GBE1: variants seen among roughly 807,000 people sequenced by gnomAD.
GBE1 encodes the protein 1,4-alpha-glucan branching enzyme 1.
Under a neutral mutation model 88.8 loss-of-function variants are expected in GBE1, and 70 were observed. The observed-to-expected ratio is 0.79, with a 90% confidence interval of 0.65 to 0.96. The LOEUF is 0.96. Among genes scored for constraint, GBE1 ranks in the 40% least tolerant of loss-of-function variants. GBE1 has a pLI of 0.00. For synonymous variants in GBE1, 284 were observed against 300.1 expected (o/e 0.95, Z 0.56); for missense variants, 872 against 871.0 (o/e 1.00, Z -0.01).
At chr3:81,727,122 A>G (rs1315313652) in intron 1 of GBE1, among the ~76,000 whole-genome samples, 1 of 152,220 alleles carries the variant, frequency 6.6e-6, no homozygotes, top group East Asian at 1.9e-4. Flanking sequence ...TTCAATGTCC[A>G]GGATACTTGA....
At chr3:81,585,589 T>G (rs538874210) in intron 10 of GBE1, among the ~76,000 whole-genome samples, 4 of 152,160 alleles carry the variant, frequency 2.6e-5, no homozygotes, top group Non-Finnish European at 5.9e-5. Flanking sequence ...ATGTGCAAAG[T>G]ACCATGTACA....
intron 12 of GBE1, among the ~76,000 whole-genome samples, chr3:81,541,822 A>T (rs1014942053): frequency 6.6e-6 from 1 of 152,140 alleles, no homozygotes; most frequent in African/African-American, 2.4e-5. Context: ...GAAGAGTAGC[A>T]TAATTACAAT....
intron 10 of GBE1, among the ~76,000 whole-genome samples, 175 bp downstream of exon 10, chr3:81,585,917 T>C (rs1703797647): frequency 6.6e-6 from 1 of 152,204 alleles, no homozygotes; most frequent in Non-Finnish European, 1.5e-5. Flanking sequence ...AATCAGAACT[T>C]TTAATATTTT....
chr3:81,532,726 T>A (rs1216319299), intron 14 of GBE1, among the ~76,000 whole-genome samples: 3 of 152,112 alleles, frequency 2.0e-5, no homozygotes, highest in Non-Finnish European at 2.9e-5. Flanking sequence ...AATCTTCTAT[T>A]ATGTGATCTC....
intron 3 of GBE1, among the ~76,000 whole-genome samples, chr3:81,663,826 C>T (rs1301956050): frequency 6.6e-6 from 1 of 152,126 alleles, no homozygotes; most frequent in African/African-American, 2.4e-5. Flanking sequence ...AGCAGCGGGG[C>T]ACTGAAGTAG....
intron 14 of GBE1, among the ~76,000 whole-genome samples, chr3:81,502,908 A>G (rs1270072330): frequency 6.6e-6 from 1 of 152,194 alleles, no homozygotes; most frequent in East Asian, 1.9e-4. Flanking sequence ...ATGGTTTCCA[A>G]TACATAGCAC....
chr3:81,649,705 A>G lies in GBE1; in HGVS notation c.555+91T>C, dbSNP rs1704817539. 4.9e-6 allele frequency: 5 copies of G among 1,021,110 alleles called. No individual in the cohort carries two copies. The South Asian group carries it at 6.7e-5, about 14-fold the overall frequency. The allele number at this position is 1,021,110 out of a possible 1,614,324, so 63.3% of individuals were successfully genotyped here. On this transcript the variant is annotated intron_variant, in intron 4 of 15. Coordinates refer to ENST00000429644, the MANE Select transcript of GBE1 (RefSeq NM_000158.4). ...TACGCAACTGTCAGTGAAGATAAGC[A>G]TTGAACATTACTATAAAAGTTATAA...
intron 14 of GBE1, among the ~76,000 whole-genome samples, chr3:81,518,207 CAG>C: frequency 6.6e-6 from 1 of 151,312 alleles, no homozygotes; most frequent in Middle Eastern, 3.4e-3. Context: ...AAATAGAAGA[CAG>C]AAATTTTGAC....
intron 3 of GBE1, among the ~76,000 whole-genome samples, chr3:81,659,403 T>G (rs1704991352): frequency 6.6e-6 from 1 of 151,896 alleles, no homozygotes; most frequent in South Asian, 2.1e-4. Context: ...TGGCGTGATC[T>G]CGCCTCACTG....
At chr3:81,595,641 G>C (rs887430827) in intron 7 of GBE1, among the ~76,000 whole-genome samples, 2 of 151,928 alleles carry the variant, frequency 1.3e-5, no homozygotes, top group African/African-American at 4.8e-5. Flanking sequence ...ACACAGAAGA[G>C]GGAAAGGATG....
intron 11 of GBE1, 57 bp downstream of exon 11, chr3:81,581,108 G>T: frequency 1.0e-6 from 1 of 965,234 alleles, no homozygotes; most frequent in Admixed American, 2.1e-5. Flanking sequence ...ATTAAGGAGA[G>T]GGAAGGAGGA....
intron 7 of GBE1, among the ~76,000 whole-genome samples, chr3:81,640,871 T>C (rs926986654): frequency 2.0e-5 from 3 of 151,942 alleles, no homozygotes; most frequent in African/African-American, 7.2e-5. Flanking sequence ...GCTAAAACTA[T>C]AGGATGCTTT....
At chr3:81,493,045 A>G (rs941014461) in intron 15 of GBE1, among the ~76,000 whole-genome samples, 2 of 152,154 alleles carry the variant, frequency 1.3e-5, no homozygotes, top group Non-Finnish European at 2.9e-5. Context: ...CATAGTCTAC[A>G]TATTTCATTT....
intron 7 of GBE1, among the ~76,000 whole-genome samples, chr3:81,622,915 A>T (rs942167209): frequency 3.3e-5 from 5 of 152,230 alleles, no homozygotes; most frequent in African/African-American, 1.2e-4. Flanking sequence ...ATGCTACTGC[A>T]CTGATCTAAG....
At chr3:81,702,677 A>ATC (rs1163380526) in intron 2 of GBE1, among the ~76,000 whole-genome samples, 1 of 152,052 alleles carries the variant, frequency 6.6e-6, no homozygotes, top group Non-Finnish European at 1.5e-5. Context: ...TATGCAATAC[A>ATC]TCTTTATAAA....
intron 7 of GBE1, among the ~76,000 whole-genome samples, chr3:81,610,528 T>C (rs1704164781): frequency 6.6e-6 from 1 of 152,158 alleles, no homozygotes; most frequent in South Asian, 2.1e-4. Context: ...AAGAACACCA[T>C]TTTTGAGAAA....
intron 7 of GBE1, among the ~76,000 whole-genome samples, chr3:81,630,093 C>A (rs962968134): frequency 3.3e-5 from 5 of 152,122 alleles, no homozygotes; most frequent in Non-Finnish European, 7.3e-5. Flanking sequence ...ATATGTGCCA[C>A]ATTTTCTTAA....
intron 2 of GBE1, among the ~76,000 whole-genome samples, chr3:81,692,824 T>C (rs781565334): frequency 2.6e-5 from 4 of 152,338 alleles, no homozygotes; most frequent in Non-Finnish European, 4.4e-5. Flanking sequence ...AATATATCTA[T>C]GGCAACTTAA....
chr3:81,548,689 G>C (rs1312112179), intron 12 of GBE1, among the ~76,000 whole-genome samples: 1 of 151,016 alleles, frequency 6.6e-6, no homozygotes, highest in African/African-American at 2.4e-5. Flanking sequence ...ACAGGACTTT[G>C]ATAGTTGCTC....
Sources: gnomAD v4.1 joint callset for allele counts (sites outside exome capture counted in the v4.1 genomes callset) on GRCh38, gnomAD v4.1.1 for gene constraint, MANE v1.5 for transcripts, NCBI Gene and HGNC (gene_info 2026-07-23, HGNC 2026-07-21) for gene names.